SVIL: variants seen among roughly 807,000 people sequenced by gnomAD.
SVIL encodes archvillin.
SVIL carries 101 observed loss-of-function variants against 240.4 expected under a neutral mutation model. The observed-to-expected ratio is 0.42, with a 90% CI of 0.36 to 0.50. SVIL has a LOEUF of 0.50. SVIL is among the 20% of genes least tolerant of loss of function. The pLI is 0.01. For missense variants in SVIL, 2,512 were observed against 2,818.7 expected, an observed-to-expected ratio of 0.89 and a Z score of 2.46; for synonymous variants, 999 against 1,100.0, an observed-to-expected ratio of 0.91 and a Z score of 1.82.
chr10:29,691,850 C>T (rs954151136), intron 1 of SVIL, among the ~76,000 whole-genome samples: 1 of 152,138 alleles, frequency 6.6e-6, no homozygotes, highest in Non-Finnish European at 1.5e-5. Context: ...CTGTTGTCTA[C>T]AAACAAGAAG....
intron 8 of SVIL, 106 bp from the exon 9 acceptor site, chr10:29,532,278 C>A: frequency 7.3e-7 from 1 of 1,364,018 alleles, no homozygotes. Flanking sequence ...CAGACACCAC[C>A]AAACCCCTCT....
chr10:29,583,928 A>G (rs1956053710), intron 1 of SVIL, among the ~76,000 whole-genome samples: 2 of 152,186 alleles, frequency 1.3e-5, no homozygotes, highest in African/African-American at 4.8e-5. Context: ...CACTTGCGGT[A>G]TTTGTTTAAA....
At chr10:29,529,680 G>T in intron 12 of SVIL, 25 bp downstream of exon 12, 1 of 1,577,582 alleles carries the variant, frequency 6.3e-7, no homozygotes, top group Non-Finnish European at 8.6e-7. Flanking sequence ...TATAGACAAG[G>T]CTGAGAAGTC....
At chr10:29,615,435 G>T (rs1008308114) in intron 1 of SVIL, among the ~76,000 whole-genome samples, 3 of 152,198 alleles carry the variant, frequency 2.0e-5, no homozygotes, top group Non-Finnish European at 4.4e-5. Flanking sequence ...AATTTTGTTG[G>T]CAGTAACTTC....
chr10:29,535,983 G>A lies in SVIL; in HGVS notation c.908+6C>T, dbSNP rs776707171. On this transcript the variant is annotated splice_donor_region_variant and intron_variant, in intron 7 of 37. Coordinates refer to ENST00000355867, the MANE Select transcript of SVIL (RefSeq NM_021738.3). ...CACAAGCCCCAGAGGGCCGGCGTGCGGGTACCTGGAAGGCCAGTTGATAAG... is the reference window on the plus strand; with the variant it reads ...CACAAGCCCCAGAGGGCCGGCGTGCAGGTACCTGGAAGGCCAGTTGATAAG... 18 of 1,613,928 alleles carry A rather than the reference G, an allele frequency of 1.1e-5. No homozygotes were observed. Among genetic ancestry groups the A allele is most frequent in the South Asian group, 3.3e-5 (3 of 91,070 alleles).
chr10:29,553,789 C>T lies in SVIL; in HGVS notation c.160+994G>A, dbSNP rs540990025. 5.9e-5 allele frequency among the ~76,000 whole-genome samples: 9 copies of T among 152,242 alleles called. No individual in the cohort carries two copies. In the East Asian group the frequency reaches 9.7e-4, roughly 16 times the overall value. ...TGTTTAATATGAAATAAATATGCAACGTATTTAAAATTATCTACATTAAGA... is the reference window on the plus strand; with the variant it reads ...TGTTTAATATGAAATAAATATGCAATGTATTTAAAATTATCTACATTAAGA... On this transcript the variant is annotated intron_variant, in intron 5 of 37. Coordinates refer to ENST00000355867, the MANE Select transcript of SVIL (RefSeq NM_021738.3).
chr10:29,659,838 C>G (rs922927256), intron 2 of SVIL, among the ~76,000 whole-genome samples: 8 of 152,152 alleles, frequency 5.3e-5, no homozygotes, highest in African/African-American at 1.9e-4. Context: ...CTTTCCTCCA[C>G]AAATCTCTTT....
At chr10:29,550,457 A>G in intron 6 of SVIL, 140 bp downstream of exon 6, 1 of 1,114,906 alleles carries the variant, frequency 9.0e-7, no homozygotes, top group Non-Finnish European at 1.2e-6. Flanking sequence ...AAAAAAAAAA[A>G]AGAATCATAT....
At chr10:29,593,813 T>C (rs897003262) in intron 1 of SVIL, among the ~76,000 whole-genome samples, 3 of 152,214 alleles carry the variant, frequency 2.0e-5, no homozygotes, top group African/African-American at 7.2e-5. Flanking sequence ...CAAGCCCTTA[T>C]CCTTAGAGAC....
intron 2 of SVIL, among the ~76,000 whole-genome samples, chr10:29,670,258 G>A (rs376098608): frequency 2.6e-5 from 4 of 152,300 alleles, no homozygotes; most frequent in South Asian, 2.1e-4. Context: ...CACCAACTAG[G>A]CCACTGACTA....
intron 3 of SVIL, among the ~76,000 whole-genome samples, chr10:29,561,416 T>C (rs984306777): frequency 6.6e-6 from 1 of 152,156 alleles, no homozygotes; most frequent in Non-Finnish European, 1.5e-5. Flanking sequence ...GGAACTGGGA[T>C]AGAGGAAGGG....
chr10:29,612,883 G>A (rs973653372), intron 1 of SVIL, among the ~76,000 whole-genome samples: 4 of 152,120 alleles, frequency 2.6e-5, no homozygotes, highest in Admixed American at 1.3e-4. Context: ...AGATGCTATA[G>A]AAGGAGGGAT....
At chr10:29,695,058 T>C (rs1276499531) in intron 1 of SVIL, among the ~76,000 whole-genome samples, 1 of 152,096 alleles carries the variant, frequency 6.6e-6, no homozygotes, top group Non-Finnish European at 1.5e-5. Context: ...TCCAGAGCCT[T>C]GGAGAACAAT....
At chr10:29,620,770 T>C (rs1957601326) in intron 1 of SVIL, among the ~76,000 whole-genome samples, 1 of 151,964 alleles carries the variant, frequency 6.6e-6, no homozygotes, top group Non-Finnish European at 1.5e-5. Context: ...AGGCGCCCAC[T>C]ACCACACCAA....
Position 29,517,636 on chromosome 10 carries a change from A to AGGC in SVIL, c.3389+4771_3389+4773dup, listed in dbSNP as rs1950303382. ...GTGGATGGTTGGGGCGGGGGCCGGCAGGCGGGAAACACAGGAGCCTCCAGC... is the reference window on the plus strand; with the variant it reads ...GTGGATGGTTGGGGCGGGGGCCGGCAGGCGGCGGGAAACACAGGAGCCTCCAGC... On this transcript the variant is annotated intron_variant, in intron 16 of 37. Transcript: ENST00000355867. Among the ~76,000 whole-genome samples the AGGC allele has an allele frequency of 9.2e-5, 14 of 152,266 alleles. No homozygotes were observed. In the South Asian group the frequency reaches 2.9e-3, roughly 32 times the overall value.
intron 1 of SVIL, among the ~76,000 whole-genome samples, chr10:29,719,779 G>A (rs761760191): frequency 2.8e-4 from 42 of 151,820 alleles, no homozygotes; most frequent in Non-Finnish European, 4.0e-4. Context: ...ATGAAAAACA[G>A]AAAAGAAAGT....
chr10:29,708,817 A>C (rs2479448), intron 1 of SVIL, among the ~76,000 whole-genome samples: 53,143 of 151,864 alleles, frequency 0.35, 9,524 homozygotes, highest in Admixed American at 0.43. Context: ...TGCTCTACTG[A>C]GAAAAACACA....
At chr10:29,543,868 A>T (rs985027792) in intron 6 of SVIL, among the ~76,000 whole-genome samples, 1 of 152,224 alleles carries the variant, frequency 6.6e-6, no homozygotes, top group Non-Finnish European at 1.5e-5. Context: ...CACAGGGCAG[A>T]GGTCACCTAC....
chr10:29,645,878 G>A (rs11007681), intron 3 of SVIL, among the ~76,000 whole-genome samples: 7 of 152,214 alleles, frequency 4.6e-5, no homozygotes, highest in Non-Finnish European at 1.0e-4. Context: ...GTGGGTGCAA[G>A]TTGCATCAAA....
Sources: allele counts gnomAD v4.1 joint callset (sites outside exome capture counted in the v4.1 genomes callset), GRCh38; gene constraint gnomAD v4.1.1; transcripts MANE v1.5; gene names NCBI Gene and HGNC (gene_info 2026-07-23, HGNC 2026-07-21).